The following NSD1 variants were observed in gnomAD, a reference collection of about 807,000 sequenced individuals.
NSD1 encodes the protein histone-lysine N-methyltransferase, H3 lysine-36 specific.
Under a neutral mutation model 242.7 loss-of-function variants are expected in NSD1, and 26 were observed. The observed-to-expected ratio is 0.11, with a 90% CI of 0.08 to 0.15. The LOEUF (loss-of-function observed/expected upper bound fraction) is 0.15, where lower values mean the gene tolerates loss of function less well. Ranked by LOEUF, NSD1 falls within the 10% of genes least tolerant of loss-of-function variation. The pLI, the probability that NSD1 is intolerant of heterozygous loss-of-function variation, is 1.00. For synonymous variants in NSD1, 1,106 were observed against 1,178.1 expected, an observed-to-expected ratio of 0.94 and a Z score of 1.25; for missense variants, 2,495 against 3,272.8, an observed-to-expected ratio of 0.76 and a Z score of 5.80.
chr5:177,182,790 A>G (rs1395245942), intron 2 of NSD1, among the ~76,000 whole-genome samples: 1 of 152,028 alleles, frequency 6.6e-6, no homozygotes, highest in African/African-American at 2.4e-5. Context: ...GGCGCCTGCC[A>G]TTACGCCTGG....
chr5:177,294,216 T>C lies in NSD1; in HGVS notation c.6848T>C (p.Leu2283Pro), dbSNP rs776592297. The C allele has an allele frequency of 5.3e-5, 86 of 1,613,368 alleles. No individual in the cohort carries two copies. The highest frequency in any genetic ancestry group is 7.0e-5 in the Non-Finnish European group (83 of 1,179,500). The change falls in exon 23 of 23, where the codon CTT becomes CCT. Residue 2283 changes from leucine (L) to proline (P), a missense_variant. By Grantham distance (98) the Leu-to-Pro change is moderately conservative. Around this residue, in one of 19 missense-constraint regions of NSD1, gnomAD observed 475 missense variants for 563.7 expected, o/e 0.84. Transcript: ENST00000439151. ...AGGCCATTGCTACCTGAAAGACCTC[T>C]TGAGAGAACTGACTCCAGGCCCCAG... ...CQRPLLPERP[L>P]ERTDSRPQPL...
intron 3 of NSD1, among the ~76,000 whole-genome samples, chr5:177,201,689 G>T (rs1762518623): frequency 6.6e-6 from 1 of 151,230 alleles, no homozygotes. Flanking sequence ...CTCTCAAGTA[G>T]CTTGGATTAC....
intron 20 of NSD1, among the ~76,000 whole-genome samples, chr5:177,284,518 G>A (rs1388976331): frequency 1.3e-5 from 2 of 152,114 alleles, no homozygotes; most frequent in African/African-American, 4.8e-5. Context: ...GAACTCCTGG[G>A]CTCAAGTGAT....
intron 2 of NSD1, 29 bp downstream of exon 2, chr5:177,136,059 T>C: frequency 6.4e-7 from 1 of 1,559,914 alleles, no homozygotes; most frequent in Non-Finnish European, 8.8e-7. Flanking sequence ...AACTTAAATA[T>C]ATACATATAT....
At chr5:177,260,306 A>G (rs932464368) in intron 14 of NSD1, 138 bp downstream of exon 14, 2 of 744,324 alleles carry the variant, frequency 2.7e-6, no homozygotes, top group Admixed American at 2.3e-5. Context: ...CATTCAGGAA[A>G]TGATGTCCCG....
At position 177,135,933 on chromosome 5, in the gene NSD1, C is replaced by G; in HGVS notation, c.830C>G (p.Ser277Cys). Residue 277 changes from serine to cysteine, a missense_variant, in exon 2 of 23, where the codon TCT (serine) becomes TGT (cysteine). Ser to Cys is a moderately radical substitution (Grantham distance 112, BLOSUM62 -1). Transcript: ENST00000439151. ...GAGCAATTAAACTCAATAAATTTAT[C>G]TTTTCAGGATGATCCAGATTCCAGT... ...IEEQLNSINLSFQDDPDSSTS... is the reference protein window; with the variant it reads ...IEEQLNSINLCFQDDPDSSTS... 3 of 1,613,400 alleles carry G rather than the reference C, an allele frequency of 1.9e-6. No individual in the cohort carries two copies. The highest frequency in any genetic ancestry group is 2.5e-6 in the Non-Finnish European group (3 of 1,179,394).
chr5:177,265,815 T>G (rs997468841), intron 14 of NSD1: 4 of 1,395,124 alleles, frequency 2.9e-6, no homozygotes, highest in Non-Finnish European at 4.1e-6. Flanking sequence ...TGGCAGTGCG[T>G]AAACTCGATG....
At chr5:177,164,149 C>CTTTTTTTTTTT (rs56076836) in intron 2 of NSD1, among the ~76,000 whole-genome samples, 9 of 138,392 alleles carry the variant, frequency 6.5e-5, no homozygotes, top group Non-Finnish European at 1.2e-4. Flanking sequence ...AAAATGTAAC[C>CTTTTTTTTTTT]TTTTTTTTTT....
At chr5:177,140,909 T>C (rs1756755720) in intron 2 of NSD1, among the ~76,000 whole-genome samples, 1 of 152,130 alleles carries the variant, frequency 6.6e-6, no homozygotes, top group Non-Finnish European at 1.5e-5. Flanking sequence ...TCTCTACCCA[T>C]CATCCCACAA....
chr5:177,205,803 C>G (rs1762824637), intron 4 of NSD1, among the ~76,000 whole-genome samples: 1 of 151,834 alleles, frequency 6.6e-6, no homozygotes. Flanking sequence ...TTATACTCCC[C>G]TGGGTCTAAA....
At chr5:177,141,791 T>A (rs576596086) in intron 2 of NSD1, among the ~76,000 whole-genome samples, 1 of 152,296 alleles carries the variant, frequency 6.6e-6, no homozygotes, top group African/African-American at 2.4e-5. Context: ...ACTAAGCTGC[T>A]CCTCTACCTT....
chr5:177,264,960 C>T (rs1757299917), intron 14 of NSD1: 5 of 921,794 alleles, frequency 5.4e-6, no homozygotes, highest in Non-Finnish European at 8.9e-6. Context: ...GAAGAGTCTA[C>T]AGTGTTACCC....
chr5:177,158,994 GATTTTATATAT>G (rs1270394701), intron 2 of NSD1, among the ~76,000 whole-genome samples: 4 of 72,060 alleles, frequency 5.6e-5, no homozygotes, highest in African/African-American at 3.9e-4. Flanking sequence ...ATATATGAAT[GATTTTATATAT>G]ATATATATAT....
At chr5:177,231,986 A>G (rs747934731) in intron 5 of NSD1, among the ~76,000 whole-genome samples, 10 of 152,012 alleles carry the variant, frequency 6.6e-5, no homozygotes, top group East Asian at 1.9e-4. Flanking sequence ...TGCAGCCCCT[A>G]TCTCCTGGGC....
chr5:177,290,099 A>T (rs893150917), intron 21 of NSD1, among the ~76,000 whole-genome samples: 4 of 151,484 alleles, frequency 2.6e-5, no homozygotes, highest in Non-Finnish European at 5.9e-5. Context: ...AAGTGCTGGG[A>T]TTACAGGCGT....
intron 14 of NSD1, 132 bp downstream of exon 14, chr5:177,260,300 C>A: frequency 2.8e-6 from 2 of 724,540 alleles, no homozygotes; most frequent in Non-Finnish European, 4.6e-6. Context: ...ATCTGCCATT[C>A]AGGAAATGAT....
intron 2 of NSD1, among the ~76,000 whole-genome samples, chr5:177,158,239 TTCTTTC>T (rs1471920652): frequency 5.3e-5 from 2 of 37,712 alleles, no homozygotes; most frequent in Non-Finnish European, 1.3e-4. Context: ...GGGTTCTAAT[TTCTTTC>T]TTTCTTTCTT....
At chr5:177,203,317 C>G (rs573598127) in intron 3 of NSD1, among the ~76,000 whole-genome samples, 1 of 151,740 alleles carries the variant, frequency 6.6e-6, no homozygotes, top group African/African-American at 2.4e-5. Context: ...ATAATCTTTT[C>G]TAGATGGGAT....
chr5:177,295,243 G>A lies in NSD1; in HGVS notation c.7875G>A (p.Trp2625Ter). The A allele has an allele frequency of 6.2e-7, 1 of 1,614,188 alleles. No homozygotes were observed. Among genetic ancestry groups the A allele is most frequent in the South Asian group, 1.1e-5 (1 of 91,084 alleles). Residue 2625 changes from tryptophan to a stop codon, truncating the protein, a stop_gained, in exon 23 of 23, where the codon TGG (tryptophan) becomes TGA (stop). Transcript: ENST00000439151. LOFTEE classifies it high-confidence loss of function. This position sits in a 1 kb window ranked among gnomAD's most constrained non-coding sequence, Gnocchi z 4.3. ...KKLVTTEQSPWALGKASSRAG... is the reference protein window; with the variant it reads ...KKLVTTEQSP ...TGGTAACCACAGAGCAAAGTCCCTG[G>A]GCCCTGGGAAAAGCCTCATCACGGG... is the stretch of plus-strand genomic sequence containing the variant.
Sources: gnomAD v4.1 joint callset for allele counts (sites outside exome capture counted in the v4.1 genomes callset) on GRCh38, gnomAD v4.1.1 for gene constraint, gnomAD v4.1.1 regional missense constraint, Gnocchi (gnomAD v3.1) non-coding constraint, MANE v1.5 for transcripts, NCBI Gene and HGNC (gene_info 2026-07-23, HGNC 2026-07-21) for gene names.